CHSY1: variants seen among roughly 807,000 people sequenced by gnomAD.
CHSY1 encodes the protein chondroitin sulfate synthase 1, also known as N-acetylgalactosaminyl-proteoglycan 3-beta-glucuronosyltransferase 1.
A neutral mutation model predicts 59.8 loss-of-function variants in CHSY1; 13 were observed. That is an observed-to-expected ratio of 0.22 (90% CI 0.14 to 0.35). The LOEUF (loss-of-function observed/expected upper bound fraction) is 0.35. CHSY1 is among the 10% of genes least tolerant of loss of function. The pLI, the probability that CHSY1 is intolerant of heterozygous loss-of-function variation, is 1.00. For missense variants in CHSY1, 947 were observed against 1,030.6 expected, an observed-to-expected ratio of 0.92 and a Z score of 1.11; for synonymous variants, 459 against 401.2, an observed-to-expected ratio of 1.14 and a Z score of -1.72.
chr15:101,186,543 C>T (rs2038368001), intron 2 of CHSY1: 1 of 152,164 alleles, frequency 6.6e-6, no homozygotes, highest in Non-Finnish European at 1.5e-5. Context: ...GTGGCTCACA[C>T]CTGTAACCTC....
At chr15:101,203,211 C>T (rs992959146) in intron 2 of CHSY1, among the ~76,000 whole-genome samples, 1 of 152,156 alleles carries the variant, frequency 6.6e-6, no homozygotes, top group African/African-American at 2.4e-5. Context: ...ATAAAGGCAG[C>T]GTGGGCGCCC....
intron 2 of CHSY1, among the ~76,000 whole-genome samples, chr15:101,199,999 A>G (rs1292140797): frequency 6.6e-6 from 1 of 152,224 alleles, no homozygotes; most frequent in Non-Finnish European, 1.5e-5. Flanking sequence ...GATACAAGAA[A>G]AAGTGACTCA....
At chr15:101,193,193 T>C (rs1403429392) in intron 2 of CHSY1, among the ~76,000 whole-genome samples, 1 of 152,172 alleles carries the variant, frequency 6.6e-6, no homozygotes, top group Non-Finnish European at 1.5e-5. Flanking sequence ...ACAAGACAAC[T>C]AGAAATGCCT....
chr15:101,196,032 T>C (rs1328452543), intron 2 of CHSY1, among the ~76,000 whole-genome samples: 2 of 151,826 alleles, frequency 1.3e-5, no homozygotes, highest in Non-Finnish European at 2.9e-5. Context: ...GTGAATCACT[T>C]GAGGTCAGGA....
intron 2 of CHSY1, among the ~76,000 whole-genome samples, chr15:101,233,522 T>C (rs1266457940): frequency 2.0e-5 from 3 of 152,162 alleles, no homozygotes; most frequent in African/African-American, 7.2e-5. Flanking sequence ...TGCAGAAATA[T>C]TGCCAGCTGT....
chr15:101,186,979 T>TA (rs1292352965), intron 2 of CHSY1, among the ~76,000 whole-genome samples: 1 of 152,228 alleles, frequency 6.6e-6, no homozygotes, highest in African/African-American at 2.4e-5. Context: ...TCTGCCCACC[T>TA]ACTCCTGCTA....
At chr15:101,188,127 C>T in intron 2 of CHSY1, 1 of 985,480 alleles carries the variant, frequency 1.0e-6, no homozygotes, top group Non-Finnish European at 1.2e-6. Flanking sequence ...GCCTCAGCTA[C>T]AGACCATCAC....
intron 2 of CHSY1, among the ~76,000 whole-genome samples, chr15:101,181,668 A>C (rs150193063): frequency 6.6e-6 from 1 of 152,340 alleles, no homozygotes; most frequent in Non-Finnish European, 1.5e-5. Context: ...CAGTGCTTCA[A>C]GACAGTAGCA....
chr15:101,252,039 A>T lies in CHSY1; in HGVS notation c.-583T>A, dbSNP rs1002716160. 13 of 150,052 alleles carry T rather than the reference A, an allele frequency of 8.7e-5. No individual in the cohort carries two copies. The highest frequency in any genetic ancestry group is 1.3e-4 in the Non-Finnish European group (9 of 67,518). 9.3% of individuals were successfully genotyped at this position (150,052 alleles called of 1,614,324 possible). ...TCCGTCCGCGCCGCGCGATTGGCGC[A>T]AAAGTGAATGAGGGGCGGTTCACGT... On this transcript the variant is annotated 5_prime_UTR_variant, in exon 1 of 3. Coordinates refer to ENST00000254190, the MANE Select transcript of CHSY1 (RefSeq NM_014918.5).
chr15:101,236,051 G>C (rs2038938004), intron 1 of CHSY1, among the ~76,000 whole-genome samples: 1 of 152,184 alleles, frequency 6.6e-6, no homozygotes, highest in Non-Finnish European at 1.5e-5. Context: ...GACATCAGGA[G>C]AGACAGACAC....
intron 2 of CHSY1, among the ~76,000 whole-genome samples, chr15:101,201,353 G>A (rs1015923011): frequency 6.6e-6 from 1 of 152,172 alleles, no homozygotes; most frequent in Admixed American, 6.5e-5. Flanking sequence ...GAATATCAAC[G>A]TTAAGGCATC....
At chr15:101,196,528 T>C (rs143479427) in intron 2 of CHSY1, among the ~76,000 whole-genome samples, 40 of 152,298 alleles carry the variant, frequency 2.6e-4, no homozygotes, top group African/African-American at 9.6e-4. Context: ...TCTTAGGGTA[T>C]AACTCATGTC....
At chr15:101,183,216 A>G (rs2038304199) in intron 2 of CHSY1, among the ~76,000 whole-genome samples, 1 of 152,166 alleles carries the variant, frequency 6.6e-6, no homozygotes, top group Admixed American at 6.5e-5. Flanking sequence ...GAGGGAAAAC[A>G]ACAATATAAA....
intron 2 of CHSY1, among the ~76,000 whole-genome samples, chr15:101,217,938 C>T (rs2141264717): frequency 6.7e-6 from 1 of 149,546 alleles, no homozygotes; most frequent in Non-Finnish European, 1.5e-5. Context: ...GACAGACACT[C>T]CCTTCAGTCA....
chr15:101,215,650 G>A (rs967001982), intron 2 of CHSY1, among the ~76,000 whole-genome samples: 14 of 152,324 alleles, frequency 9.2e-5, no homozygotes, highest in African/African-American at 2.4e-4. Flanking sequence ...CAGGAGAATC[G>A]CTTGAACCTG....
intron 2 of CHSY1, among the ~76,000 whole-genome samples, chr15:101,199,682 C>A (rs917165067): frequency 5.3e-5 from 8 of 152,138 alleles, no homozygotes; most frequent in African/African-American, 1.9e-4. Context: ...TGTGGAAATT[C>A]TGTAAAAAAT....
In CHSY1 at chr15:101,223,595, G is replaced by A. The variant is rs1002952371; in HGVS notation, c.816+11487C>T. Among the ~76,000 whole-genome samples the A allele has an allele frequency of 6.8e-5, 9 of 132,758 alleles. No individual in the cohort carries two copies. The East Asian group carries it at 1.4e-3, about 20-fold the overall frequency. The allele number at this position is 132,758 out of a possible 152,430, so 87.1% of individuals were successfully genotyped here. The stretch of plus-strand genomic sequence containing the variant: ...ACTTCCACACTGGGACTCAGGCCTC[G>A]TCTACTACAGAGGACTTCCACACTG... On this transcript the variant is annotated intron_variant, in intron 2 of 2. Coordinates refer to ENST00000254190, the MANE Select transcript of CHSY1 (RefSeq NM_014918.5).
chr15:101,199,821 C>A (rs2038552391), intron 2 of CHSY1, among the ~76,000 whole-genome samples: 1 of 152,162 alleles, frequency 6.6e-6, no homozygotes, highest in East Asian at 1.9e-4. Context: ...GCATAAAAGG[C>A]AGTTTCAAGA....
intron 2 of CHSY1, among the ~76,000 whole-genome samples, chr15:101,221,457 T>C (rs894943703): frequency 6.6e-6 from 1 of 152,160 alleles, no homozygotes; most frequent in Non-Finnish European, 1.5e-5. Flanking sequence ...CTAGTTTGGG[T>C]GACAGGTTGA....
Sources: gnomAD v4.1 joint callset for allele counts (sites outside exome capture counted in the v4.1 genomes callset) on GRCh38, gnomAD v4.1.1 for gene constraint, MANE v1.5 for transcripts, NCBI Gene and HGNC (gene_info 2026-07-23, HGNC 2026-07-21) for gene names.